Variants in CLSTN2 observed in about 807,000 individuals in gnomAD.
CLSTN2 encodes the protein calsyntenin-2.
A neutral mutation model predicts 101.2 loss-of-function variants in CLSTN2; 48 were observed. The ratio of observed to expected loss-of-function variants is 0.47; its 90% CI spans 0.38 to 0.60. CLSTN2 has a LOEUF of 0.60. Among genes scored for constraint, CLSTN2 ranks in the 20% least tolerant of loss-of-function variants. The pLI is 0.00. For missense variants in CLSTN2, 1,160 were observed against 1,238.2 expected (o/e 0.94, Z 0.95); for synonymous variants, 481 against 463.6 (o/e 1.04, Z -0.48).
chr3:140,176,002 A>T lies in CLSTN2; in HGVS notation c.161A>T (p.Glu54Val). The T allele has an allele frequency of 6.2e-7, 1 of 1,613,780 alleles. No homozygotes were observed. The highest frequency in any genetic ancestry group is 1.1e-5 in the South Asian group (1 of 91,056). ...ACTTCATATCATGGAGTCATAACTGAGAACAATGACACAGTCATTTTGGAC... is the reference window on the plus strand; with the variant it reads ...ACTTCATATCATGGAGTCATAACTGTGAACAATGACACAGTCATTTTGGAC... ...IETSYHGVIT[E>V]NNDTVILDPP... Residue 54 changes from glutamate to valine, a missense_variant, in exon 2 of 17, where the codon GAG (glutamate) becomes GTG (valine). Physicochemically the swap from Glu to Val is moderately radical, Grantham distance 121. Transcript: ENST00000458420.
At chr3:140,490,607 A>C (rs956455826) in intron 8 of CLSTN2, among the ~76,000 whole-genome samples, 1 of 151,660 alleles carries the variant, frequency 6.6e-6, no homozygotes, top group Non-Finnish European at 1.5e-5. Context: ...AAAAAAAAAA[A>C]AAAAAAAAAC....
rs529314839 is a variant in CLSTN2 at position 140,510,716 on chromosome 3, C to CACT, written c.1345-21605_1345-21603dup. On this transcript the variant is annotated intron_variant, in intron 8 of 16. Transcript: ENST00000458420. ...TCATGATTACCTTCCAGTGAAAACA[C>CACT]ACTACGCTTCTTGCTGCCAGTTTGG... 1.7e-3 allele frequency among the ~76,000 whole-genome samples: 260 copies of CACT among 152,334 alleles called. 2 individuals are homozygous for CACT. The highest frequency in any genetic ancestry group is 3.2e-3 in the Non-Finnish European group (220 of 68,030).
At chr3:140,348,165 A>G (rs975549559) in intron 2 of CLSTN2, among the ~76,000 whole-genome samples, 1 of 152,224 alleles carries the variant, frequency 6.6e-6, no homozygotes, top group Admixed American at 6.5e-5. Flanking sequence ...TGGAAATGGT[A>G]GAGTTACCAA....
intron 2 of CLSTN2, among the ~76,000 whole-genome samples, chr3:140,330,076 C>T (rs2087367860): frequency 6.6e-6 from 1 of 152,186 alleles, no homozygotes; most frequent in Non-Finnish European, 1.5e-5. Flanking sequence ...AGTGCCAAGC[C>T]TTCAAGCAAC....
At chr3:140,120,451 A>G (rs2009322514) in intron 1 of CLSTN2, among the ~76,000 whole-genome samples, 1 of 152,062 alleles carries the variant, frequency 6.6e-6, no homozygotes, top group Non-Finnish European at 1.5e-5. Flanking sequence ...AGCTCTCTGA[A>G]CTCTGTCCTC....
chr3:140,519,300 T>A (rs1340656711), intron 8 of CLSTN2, among the ~76,000 whole-genome samples: 1 of 152,248 alleles, frequency 6.6e-6, no homozygotes, highest in Non-Finnish European at 1.5e-5. Flanking sequence ...AGAATGCATA[T>A]TCTTGAGGTG....
chr3:140,025,415 T>C (rs923374844), intron 1 of CLSTN2, among the ~76,000 whole-genome samples: 1 of 152,194 alleles, frequency 6.6e-6, no homozygotes. Flanking sequence ...TTGTCCAGCT[T>C]TGTGACCTTC....
At chr3:140,466,521 C>A in intron 7 of CLSTN2, 89 bp from the exon 8 acceptor site, 1 of 1,520,178 alleles carries the variant, frequency 6.6e-7, no homozygotes, top group Non-Finnish European at 9.1e-7. Flanking sequence ...GTCCTCTGTG[C>A]TGTGCTAAGT....
chr3:140,225,799 C>T (rs2107856111), intron 2 of CLSTN2, among the ~76,000 whole-genome samples: 1 of 152,210 alleles, frequency 6.6e-6, no homozygotes, highest in South Asian at 2.1e-4. Context: ...CCGGCCTTGA[C>T]ACTGACATTT....
At chr3:140,530,736 C>T (rs1024525262) in intron 8 of CLSTN2, among the ~76,000 whole-genome samples, 1 of 152,168 alleles carries the variant, frequency 6.6e-6, no homozygotes, top group East Asian at 1.9e-4. Context: ...ATGGGGGAGC[C>T]CCCAAGTGCT....
intron 2 of CLSTN2, among the ~76,000 whole-genome samples, chr3:140,296,485 T>C (rs2087005519): frequency 1.3e-5 from 2 of 152,238 alleles, no homozygotes; most frequent in Non-Finnish European, 2.9e-5. Context: ...CTTTGATTAC[T>C]AGTAAGGCAG....
intron 2 of CLSTN2, among the ~76,000 whole-genome samples, chr3:140,400,594 G>A (rs777899035): frequency 2.0e-4 from 30 of 152,232 alleles, no homozygotes; most frequent in Middle Eastern, 3.4e-3. Flanking sequence ...AGCCACTCAG[G>A]AGGCTAAAAT....
intron 1 of CLSTN2, among the ~76,000 whole-genome samples, chr3:140,128,356 T>C (rs887459234): frequency 2.0e-5 from 3 of 152,206 alleles, no homozygotes; most frequent in African/African-American, 7.2e-5. Context: ...AAACAAAGCA[T>C]TAAATATGGT....
chr3:139,997,550 AT>A (rs369632036), intron 1 of CLSTN2, among the ~76,000 whole-genome samples: 2 of 151,820 alleles, frequency 1.3e-5, no homozygotes, highest in African/African-American at 4.8e-5. Context: ...TTCATTGTTA[AT>A]TTTTTCTAGT....
intron 1 of CLSTN2, among the ~76,000 whole-genome samples, chr3:139,986,824 GATT>G (rs1189236906): frequency 4.6e-5 from 7 of 152,204 alleles, no homozygotes; most frequent in Non-Finnish European, 1.0e-4. Flanking sequence ...CAGAGAGCTG[GATT>G]TGTCTTCACC....
intron 2 of CLSTN2, among the ~76,000 whole-genome samples, chr3:140,266,199 G>A (rs1005656677): frequency 2.0e-5 from 3 of 152,154 alleles, no homozygotes; most frequent in South Asian, 4.1e-4. Flanking sequence ...TGGCTGGAGG[G>A]AATGGAGAGA....
chr3:140,532,777 C>T (rs1310280692), intron 9 of CLSTN2, among the ~76,000 whole-genome samples: 1 of 152,174 alleles, frequency 6.6e-6, no homozygotes, highest in Non-Finnish European at 1.5e-5. Context: ...CATTTCCAAA[C>T]TGGGGCAATG....
At chr3:140,219,077 A>C (rs1228481694) in intron 2 of CLSTN2, among the ~76,000 whole-genome samples, 3 of 152,004 alleles carry the variant, frequency 2.0e-5, no homozygotes, top group African/African-American at 7.2e-5. Context: ...GCCCTGGTCC[A>C]TTTGGGAGCA....
At chr3:140,408,986 A>G (rs2107982316) in intron 4 of CLSTN2, among the ~76,000 whole-genome samples, 1 of 152,184 alleles carries the variant, frequency 6.6e-6, no homozygotes, top group Middle Eastern at 3.4e-3. Flanking sequence ...GGCCCCCACC[A>G]CTGTGCTTGT....
Sources: allele counts gnomAD v4.1 joint callset (sites outside exome capture counted in the v4.1 genomes callset), GRCh38; gene constraint gnomAD v4.1.1; transcripts MANE v1.5; gene names NCBI Gene and HGNC (gene_info 2026-07-23, HGNC 2026-07-21).